The following FLACC1 variants were observed in gnomAD, a reference collection of about 807,000 sequenced individuals.
FLACC1 encodes the protein flagellum-associated coiled-coil domain-containing protein 1.
A neutral mutation model predicts 62.8 loss-of-function variants in FLACC1; 66 were observed. The ratio of observed to expected loss-of-function variants is 1.05; its 90% CI spans 0.86 to 1.29. The LOEUF is 1.29. Ranked by LOEUF, FLACC1 falls within the 50% of genes most tolerant of loss-of-function variation. The pLI, the probability that FLACC1 is intolerant of heterozygous loss-of-function variation, is 0.00. For synonymous variants in FLACC1, 156 were observed against 161.0 expected (o/e 0.97, Z 0.24); for missense variants, 452 against 489.1 (o/e 0.92, Z 0.71).
chr2:201,340,276 G>T (rs10185150), intron 7 of FLACC1, among the ~76,000 whole-genome samples: 4,256 of 152,118 alleles, frequency 0.028, 200 homozygotes, highest in African/African-American at 0.096. Flanking sequence ...CTGCCATTTT[G>T]TTAATTTTTG....
rs189774494 is a variant in FLACC1, at chr2:201,296,978, C to T, written c.942+2260G>A. 4.0e-5 allele frequency among the ~76,000 whole-genome samples: 6 copies of T among 151,828 alleles called. No homozygotes were observed. The East Asian group carries it at 1.2e-3, about 29-fold the overall frequency. On this transcript the variant is annotated intron_variant, in intron 12 of 14. Coordinates refer to ENST00000392257, the MANE Select transcript of FLACC1 (RefSeq NM_001127391.3). ...ATAATGGACTAGGGTAAGGTGACAACAGAGTTGGAGGGACGTGGATGAATT... is the reference window on the plus strand; with the variant it reads ...ATAATGGACTAGGGTAAGGTGACAATAGAGTTGGAGGGACGTGGATGAATT...
At chr2:201,313,628 C>A (rs1278633196) in intron 9 of FLACC1, among the ~76,000 whole-genome samples, 1 of 152,138 alleles carries the variant, frequency 6.6e-6, no homozygotes, top group Non-Finnish European at 1.5e-5. Context: ...TCCTACTCAC[C>A]CTGGTAGCTG....
intron 7 of FLACC1, among the ~76,000 whole-genome samples, chr2:201,332,720 C>A (rs988158885): frequency 1.3e-5 from 2 of 152,004 alleles, no homozygotes; most frequent in Non-Finnish European, 2.9e-5. Context: ...CTATTCCCCC[C>A]ACCCCCTAGT....
intron 14 of FLACC1, 125 bp downstream of exon 14, chr2:201,289,332 C>G (rs572838989): frequency 3.5e-6 from 3 of 852,026 alleles, no homozygotes; most frequent in East Asian, 5.1e-5. Context: ...ACCTCCCTCC[C>G]GAAAACACCT....
At chr2:201,353,329 A>G (rs1344687363) in intron 1 of FLACC1, among the ~76,000 whole-genome samples, 1 of 152,234 alleles carries the variant, frequency 6.6e-6, no homozygotes, top group African/African-American at 2.4e-5. Flanking sequence ...ATGGGGATGT[A>G]TAAGAGCCAA....
chr2:201,323,805 T>TAAAAAAAAAAAAA (rs1576447085), intron 9 of FLACC1, among the ~76,000 whole-genome samples: 20 of 79,308 alleles, frequency 2.5e-4, no homozygotes, highest in African/African-American at 8.4e-4. Context: ...AAAAAAAAAG[T>TAAAAAAAAAAAAA]AAGGAAGGAA....
At chr2:201,315,649 A>G (rs1950294937) in intron 9 of FLACC1, among the ~76,000 whole-genome samples, 1 of 152,228 alleles carries the variant, frequency 6.6e-6, no homozygotes, top group Admixed American at 6.5e-5. Context: ...CAGGTCAAGA[A>G]GACAGAAAGT....
At chr2:201,310,820 C>T (rs1950203592) in intron 9 of FLACC1, among the ~76,000 whole-genome samples, 1 of 151,168 alleles carries the variant, frequency 6.6e-6, no homozygotes, top group Non-Finnish European at 1.5e-5. Flanking sequence ...AATCAAAATT[C>T]AAAAACCCAT....
At chr2:201,303,733 G>T (rs1284233725) in intron 11 of FLACC1, among the ~76,000 whole-genome samples, 1 of 152,176 alleles carries the variant, frequency 6.6e-6, no homozygotes, top group Non-Finnish European at 1.5e-5. Context: ...TATCCACCAT[G>T]ATCAAGTGGG....
chr2:201,317,210 A>AAG (rs1196928463), intron 9 of FLACC1, among the ~76,000 whole-genome samples: 5 of 152,192 alleles, frequency 3.3e-5, no homozygotes, highest in Non-Finnish European at 5.9e-5. Flanking sequence ...GCAATCAGAC[A>AAG]AGAGAGAGAA....
chr2:201,303,014 A>G (rs2125552294), intron 11 of FLACC1, among the ~76,000 whole-genome samples: 1 of 152,244 alleles, frequency 6.6e-6, no homozygotes, highest in East Asian at 1.9e-4. Flanking sequence ...CATCACAATT[A>G]AAAGAACTAG....
rs1315169030 is a variant in FLACC1 at position 201,307,631 on chromosome 2, G to A, written c.776-9C>T. The stretch of plus-strand genomic sequence containing the variant: ...TTTGGTCATCTTTTTTTCTGTGGAA[G>A]TGACAGGAAAGCACATATATGTGTA... On this transcript the variant is annotated splice_polypyrimidine_tract_variant and intron_variant, in intron 10 of 14. Coordinates refer to ENST00000392257, the MANE Select transcript of FLACC1 (RefSeq NM_001127391.3). 2 of 1,586,006 alleles carry A rather than the reference G, an allele frequency of 1.3e-6. No homozygotes were observed. The highest frequency in any genetic ancestry group is 2.2e-5 in the East Asian group (1 of 44,740).
At chr2:201,320,204 C>G (rs1950378077) in intron 9 of FLACC1, among the ~76,000 whole-genome samples, 1 of 152,222 alleles carries the variant, frequency 6.6e-6, no homozygotes, top group African/African-American at 2.4e-5. Context: ...CCAAAAAGTT[C>G]AGGCAGTGGT....
At chr2:201,357,958 T>C (rs1287930284), upstream of FLACC1, among the ~76,000 whole-genome samples, 3 of 152,234 alleles carry the variant, frequency 2.0e-5, no homozygotes, top group African/African-American at 7.2e-5. Context: ...ATAATACTCT[T>C]ATTATTTGCT....
At chr2:201,342,852 C>T (rs1007825979) in intron 6 of FLACC1, among the ~76,000 whole-genome samples, 3 of 152,194 alleles carry the variant, frequency 2.0e-5, no homozygotes, top group Admixed American at 1.3e-4. Flanking sequence ...ATCTTGCCTT[C>T]GAGGAACTTA....
rs1347278866 is a variant in FLACC1 at position 201,309,135 on chromosome 2, G to C, written c.775+16C>G. 1 of 1,604,188 alleles carries C rather than the reference G, an allele frequency of 6.2e-7. No individual in the cohort carries two copies. Among genetic ancestry groups the C allele is most frequent in the Admixed American group, 1.7e-5 (1 of 59,986 alleles). On this transcript the variant is annotated intron_variant, in intron 10 of 14. Coordinates refer to ENST00000392257, the MANE Select transcript of FLACC1 (RefSeq NM_001127391.3). ...AATGCACTTGTCATCAAAAAAGCTA[G>C]AGTTTCTGTACTCACTTTGCTGTAG...
chr2:201,314,274 A>T (rs948589934), intron 9 of FLACC1, among the ~76,000 whole-genome samples: 18 of 149,184 alleles, frequency 1.2e-4, no homozygotes, highest in Non-Finnish European at 2.4e-4. Flanking sequence ...GGCAAAGCCC[A>T]ATTTAAGGAA....
intron 9 of FLACC1, among the ~76,000 whole-genome samples, chr2:201,320,240 G>C (rs1178722501): frequency 4.6e-5 from 7 of 152,240 alleles, no homozygotes; most frequent in Non-Finnish European, 8.8e-5. Flanking sequence ...GCCTCCAACT[G>C]GGTTTCATGA....
At position 201,328,167 on chromosome 2, in the gene FLACC1, T is replaced by A. The variant is rs546119091; in HGVS notation, c.675+2303A>T. 9.9e-4 allele frequency among the ~76,000 whole-genome samples: 148 copies of A among 150,084 alleles called. 1 individual carries two copies. The highest frequency in any genetic ancestry group is 3.1e-3 in the African/African-American group (128 of 40,922). ...GACTCAGAAGGGGGAGGTGGGAGAG[T>A]GGCTTGTGATAAAAAAAAAACAAAA... On this transcript the variant is annotated intron_variant, in intron 9 of 14. Transcript: ENST00000392257.
Sources: allele counts gnomAD v4.1 joint callset (sites outside exome capture counted in the v4.1 genomes callset), GRCh38; gene constraint gnomAD v4.1.1; transcripts MANE v1.5; gene names NCBI Gene and HGNC (gene_info 2026-07-23, HGNC 2026-07-21).